Variants in RBFOX3 observed in about 807,000 individuals in gnomAD.
RBFOX3 encodes RNA binding protein fox-1 homolog 3.
Under a neutral mutation model 48.7 loss-of-function variants are expected in RBFOX3, and 17 were observed. The observed-to-expected ratio is 0.35, with a 90% CI of 0.24 to 0.52. The LOEUF is 0.52. Ranked by LOEUF, RBFOX3 falls within the 20% of genes least tolerant of loss-of-function variation. The probability of loss-of-function intolerance (pLI) is 0.94; values close to 1 mark genes in which losing one functional copy is unlikely to be tolerated. For missense variants in RBFOX3, 382 were observed against 497.5 expected, an observed-to-expected ratio of 0.77 and a Z score of 2.21; for synonymous variants, 212 against 209.5, an observed-to-expected ratio of 1.01 and a Z score of -0.10.
At chr17:79,164,460 G>C (rs2047590162) in intron 4 of RBFOX3, among the ~76,000 whole-genome samples, 1 of 152,188 alleles carries the variant, frequency 6.6e-6, no homozygotes, top group African/African-American at 2.4e-5. Flanking sequence ...CCTGGTGAGA[G>C]ACGCTCCTGG....
At chr17:79,334,208 T>C (rs1314684762) in intron 2 of RBFOX3, among the ~76,000 whole-genome samples, 2 of 152,162 alleles carry the variant, frequency 1.3e-5, no homozygotes, top group Non-Finnish European at 2.9e-5. Context: ...TGGGCCTCCC[T>C]CTCTCGAGAC....
intron 1 of RBFOX3, among the ~76,000 whole-genome samples, chr17:79,539,640 C>T (rs374373091): frequency 6.6e-6 from 1 of 152,140 alleles, no homozygotes; most frequent in Non-Finnish European, 1.5e-5. Flanking sequence ...GGTCAGAGGT[C>T]GCCCCAGGAG....
chr17:79,222,104 A>T (rs2059802542), intron 4 of RBFOX3, among the ~76,000 whole-genome samples: 1 of 134,500 alleles, frequency 7.4e-6, no homozygotes, highest in Non-Finnish European at 1.6e-5. Context: ...CCATTGCCTG[A>T]TTTCTACTGC....
chr17:79,430,297 T>C (rs2068187492), intron 2 of RBFOX3, among the ~76,000 whole-genome samples: 1 of 150,756 alleles, frequency 6.6e-6, no homozygotes. Flanking sequence ...AATAAATAAA[T>C]AAATAAATAA....
chr17:79,529,394 C>A (rs1367299667), intron 1 of RBFOX3, among the ~76,000 whole-genome samples: 1 of 152,232 alleles, frequency 6.6e-6, no homozygotes, highest in African/African-American at 2.4e-5. Flanking sequence ...ACTGTCCCTT[C>A]TAGTCCTATG....
At chr17:79,349,892 C>A (rs922686425) in intron 2 of RBFOX3, among the ~76,000 whole-genome samples, 1 of 151,610 alleles carries the variant, frequency 6.6e-6, no homozygotes, top group Non-Finnish European at 1.5e-5. Flanking sequence ...CCATGATCAC[C>A]AGGACAGAAT....
At chr17:79,621,489 C>G in the RBFOX3 span, among the ~76,000 whole-genome samples, 1 of 152,214 alleles carries the variant, frequency 6.6e-6, no homozygotes, top group East Asian at 1.9e-4. Flanking sequence ...AAAAGCACGT[C>G]TCTACCAACA....
intron 1 of RBFOX3, among the ~76,000 whole-genome samples, chr17:79,567,132 T>C (rs2092484090): frequency 6.6e-6 from 1 of 151,766 alleles, no homozygotes; most frequent in Admixed American, 6.6e-5. Flanking sequence ...TCTTTTGAGT[T>C]CCCACGTATG....
At chr17:79,424,646 C>T (rs1598632508) in intron 2 of RBFOX3, among the ~76,000 whole-genome samples, 1 of 152,258 alleles carries the variant, frequency 6.6e-6, no homozygotes, top group African/African-American at 2.4e-5. Context: ...CCAGCCCTGG[C>T]TCTCCTCTCC....
At chr17:79,456,172 C>T (rs1173580477) in intron 2 of RBFOX3, among the ~76,000 whole-genome samples, 18 of 152,190 alleles carry the variant, frequency 1.2e-4, no homozygotes, top group African/African-American at 4.1e-4. Context: ...AATGTGCTCC[C>T]GAGCCTGTTC....
upstream of RBFOX3, among the ~76,000 whole-genome samples, chr17:79,612,039 G>A (rs904880701): frequency 3.9e-4 from 60 of 152,296 alleles, no homozygotes; most frequent in East Asian, 0.012. Context: ...GGACACAGTG[G>A]AGTGGGGACC....
intron 3 of RBFOX3, among the ~76,000 whole-genome samples, chr17:79,240,315 T>C (rs568060005): frequency 6.6e-6 from 1 of 152,300 alleles, no homozygotes; most frequent in African/African-American, 2.4e-5. Context: ...CATGTCAAAA[T>C]CAGACCACTC....
intron 1 of RBFOX3, among the ~76,000 whole-genome samples, chr17:79,492,332 C>T (rs1187487214): frequency 1.3e-5 from 2 of 152,202 alleles, no homozygotes; most frequent in East Asian, 3.9e-4. Context: ...GTCATACCAG[C>T]ACTGGTCTGT....
chr17:79,630,172 G>T, the RBFOX3 span, among the ~76,000 whole-genome samples: 3 of 152,204 alleles, frequency 2.0e-5, no homozygotes, highest in African/African-American at 4.8e-5. Flanking sequence ...GCCTCCTGAT[G>T]AACGTGGGGG....
chr17:79,661,093 G>C, the RBFOX3 span, among the ~76,000 whole-genome samples: 1 of 152,152 alleles, frequency 6.6e-6, no homozygotes, highest in African/African-American at 2.4e-5. Context: ...CATGGACACA[G>C]GGTTGGGGGA....
chr17:79,372,078 G>C (rs2058622096), intron 2 of RBFOX3, among the ~76,000 whole-genome samples: 1 of 152,034 alleles, frequency 6.6e-6, no homozygotes, highest in Non-Finnish European at 1.5e-5. Context: ...CACGGTGAAT[G>C]CACCCTCTAA....
intron 1 of RBFOX3, among the ~76,000 whole-genome samples, chr17:79,538,814 G>A (rs782502544): frequency 1.3e-5 from 2 of 152,174 alleles, no homozygotes; most frequent in Non-Finnish European, 2.9e-5. Context: ...GATCACACTG[G>A]CCCAGAAGCA....
At chr17:79,287,561 T>C (rs2072241746) in intron 3 of RBFOX3, among the ~76,000 whole-genome samples, 1 of 152,168 alleles carries the variant, frequency 6.6e-6, no homozygotes, top group African/African-American at 2.4e-5. Flanking sequence ...ACCAGTGCTC[T>C]GGGCAGGATC....
At chr17:79,127,502 TC>T (rs2037610863) in intron 4 of RBFOX3, among the ~76,000 whole-genome samples, 1 of 152,190 alleles carries the variant, frequency 6.6e-6, no homozygotes, top group South Asian at 2.1e-4. Flanking sequence ...TATTTTCTTT[TC>T]TTTTTTTAAT....
Sources: allele counts gnomAD v4.1 joint callset (sites outside exome capture counted in the v4.1 genomes callset), GRCh38; gene constraint gnomAD v4.1.1; transcripts MANE v1.5; gene names NCBI Gene and HGNC (gene_info 2026-07-23, HGNC 2026-07-21).